ATP1A1: variants seen among roughly 807,000 people sequenced by gnomAD.
ATP1A1 encodes the protein ATPase Na+/K+ transporting subunit alpha 1.
In ATP1A1, 14 loss-of-function variants were observed where a neutral mutation model predicts 114.8. The observed-to-expected ratio is 0.12, with a 90% CI of 0.08 to 0.19. ATP1A1 has a LOEUF of 0.19. ATP1A1 is among the 10% of genes least tolerant of loss of function. ATP1A1 has a pLI of 1.00. For synonymous variants in ATP1A1, 471 were observed against 466.3 expected (o/e 1.01, Z -0.13); for missense variants, 524 against 1,290.7 (o/e 0.41, Z 9.10).
intron 1 of ATP1A1, among the ~76,000 whole-genome samples, chr1:116,374,584 G>C (rs561709134): frequency 6.6e-6 from 1 of 152,194 alleles, no homozygotes; most frequent in Non-Finnish European, 1.5e-5. Context: ...TTTCTGTAGC[G>C]AAGACTTGAT....
chr1:116,386,817 C>T (rs1173342432), intron 3 of ATP1A1, among the ~76,000 whole-genome samples: 3 of 152,146 alleles, frequency 2.0e-5, no homozygotes, highest in Non-Finnish European at 2.9e-5. Context: ...TGGCTGTTAA[C>T]CCAAAGGATT....
chr1:116,390,342 C>G lies in ATP1A1; in HGVS notation c.1153C>G (p.Arg385Gly). 6.2e-7 allele frequency: 1 copy of G among 1,614,106 alleles called. No individual in the cohort carries two copies. Among genetic ancestry groups the G allele is most frequent in the Non-Finnish European group, 8.5e-7 (1 of 1,180,028 alleles). Residue 385 changes from arginine to glycine, a missense_variant, in exon 9 of 23, where the codon CGG (arginine) becomes GGG (glycine). Arg to Gly is a moderately radical substitution (Grantham distance 125). Coordinates refer to ENST00000295598, the MANE Select transcript of ATP1A1 (RefSeq NM_000701.8). Reference protein sequence around the residue: ...SDKTGTLTQNRMTVAHMWFDN... With the variant: ...SDKTGTLTQNGMTVAHMWFDN... Reference sequence around the variant, plus strand: ...TAAAACTGGAACTCTGACTCAGAACCGGATGACAGTGGCCCACATGTGGTT... The same window carrying G: ...TAAAACTGGAACTCTGACTCAGAACGGGATGACAGTGGCCCACATGTGGTT...
Position 116,389,307 on chromosome 1 carries a change from G to A in ATP1A1, c.755-132G>A, listed in dbSNP as rs1350850543. On this transcript the variant is annotated intron_variant, in intron 7 of 22. Coordinates refer to ENST00000295598, the MANE Select transcript of ATP1A1 (RefSeq NM_000701.8). The surrounding 1 kb of genome is among the most constrained non-coding windows in gnomAD (Gnocchi z 6.9). ...TTGCCAAACAGCATGTACAGCCAAAGAGCTGGCCCTTAAAAAGTGCTTTTA... is the reference window on the plus strand; with the variant it reads ...TTGCCAAACAGCATGTACAGCCAAAAAGCTGGCCCTTAAAAAGTGCTTTTA... 7.4e-6 allele frequency: 9 copies of A among 1,214,260 alleles called. No homozygotes were observed. The highest frequency in any genetic ancestry group is 1.0e-5 in the Non-Finnish European group (9 of 863,820). 75.2% of individuals were successfully genotyped at this position (1,214,260 alleles called of 1,614,324 possible).
chr1:116,388,763 T>C lies in ATP1A1; in HGVS notation c.627T>C (p.Asn209=), dbSNP rs763222448. ...CTGACCTCAGAATCATATCTGCAAA[T>C]GGCTGCAAGGTAGCTCTTTTATTTT... ...IPADLRIISA[N]GCKVDNSSLT... The change falls in exon 6 of 23, where the codon AAT becomes AAC. Residue 209 remains asparagine (N), a synonymous_variant. Transcript: ENST00000295598. This position sits in a 1 kb window ranked among gnomAD's most constrained non-coding sequence, Gnocchi z 5.6. 2 of 1,614,176 alleles carry C rather than the reference T, an allele frequency of 1.2e-6. No individual in the cohort carries two copies. The highest frequency in any genetic ancestry group is 3.3e-5 in the Admixed American group (2 of 60,024).
rs1204778843 is a variant in ATP1A1 at position 116,384,748 on chromosome 1, G to C, written c.124-35G>C. The stretch of plus-strand genomic sequence containing the variant: ...TTCTGTCATTTTTTTATACTACACT[G>C]TTTAACTATTTTCTTTGTTTCTGTT... On this transcript the variant is annotated intron_variant, in intron 2 of 22. Transcript: ENST00000295598. The surrounding 1 kb of genome is among the most constrained non-coding windows in gnomAD (Gnocchi z 5.1). The C allele has an allele frequency of 6.4e-7, 1 of 1,559,180 alleles. No individual in the cohort carries two copies. Among genetic ancestry groups the C allele is most frequent in the Non-Finnish European group, 8.8e-7 (1 of 1,140,724 alleles).
At position 116,389,790 on chromosome 1, in the gene ATP1A1, G is replaced by A; in HGVS notation, c.1023+83G>A. Reference sequence around the variant, plus strand: ...TTCCGCTATCCTATTCTAAGGTATTGCCAACTTATGTTTTATTCTGGATGT... The same window carrying A: ...TTCCGCTATCCTATTCTAAGGTATTACCAACTTATGTTTTATTCTGGATGT... On this transcript the variant is annotated intron_variant, in intron 8 of 22. Coordinates refer to ENST00000295598, the MANE Select transcript of ATP1A1 (RefSeq NM_000701.8). This position sits in a 1 kb window ranked among gnomAD's most constrained non-coding sequence, Gnocchi z 6.9. 1.3e-6 allele frequency: 2 copies of A among 1,542,790 alleles called. No homozygotes were observed. The highest frequency in any genetic ancestry group is 2.3e-5 in the East Asian group (1 of 43,778).
intron 3 of ATP1A1, among the ~76,000 whole-genome samples, chr1:116,386,835 G>T (rs537622919): frequency 6.6e-6 from 1 of 152,148 alleles, no homozygotes; most frequent in Non-Finnish European, 1.5e-5. Context: ...ATTTCTACAG[G>T]AAGTTTTTTT....
Position 116,388,236 on chromosome 1 carries a change from G to C in ATP1A1, c.493G>C (p.Val165Leu). The C allele has an allele frequency of 6.2e-7, 1 of 1,610,826 alleles. No individual in the cohort carries two copies. Among genetic ancestry groups the C allele is most frequent in the Non-Finnish European group, 8.5e-7 (1 of 1,177,092 alleles). ...GATCATGGAATCCTTCAAAAACATG[G>C]TCCCTCAGGTACCAGACGCTTTGTC... ...SKIMESFKNM[V>L]PQQALVIRNG... Residue 165 changes from valine (V) to leucine (L), a missense_variant, in exon 5 of 23, where the codon GTC becomes CTC. By Grantham distance (32) the Val-to-Leu change is conservative. Transcript: ENST00000295598. The surrounding 1 kb of genome is among the most constrained non-coding windows in gnomAD (Gnocchi z 5.6).
rs1340801205 is a variant in ATP1A1, at chr1:116,397,446, A to C, written c.1974-442A>C. Among the ~76,000 whole-genome samples the C allele has an allele frequency of 1.3e-5, 2 of 152,052 alleles. No homozygotes were observed. The highest frequency in any genetic ancestry group is 1.3e-4 in the Admixed American group (2 of 15,256). On this transcript the variant is annotated intron_variant, in intron 14 of 22. Transcript: ENST00000295598. This position sits in a 1 kb window ranked among gnomAD's most constrained non-coding sequence, Gnocchi z 4.2. ...GTGATTCTCCTGCCTCAGCCTCCCA[A>C]GTAGCTGGGATTACAGGCCCCAACC...
chr1:116,373,909 C>G, intron 1 of ATP1A1: 1 of 1,306,582 alleles, frequency 7.7e-7, no homozygotes, highest in Non-Finnish European at 9.7e-7. Context: ...ATCCCTGAGC[C>G]TGGCTCCCCT....
At chr1:116,396,880 T>C (rs1355303275) in intron 14 of ATP1A1, 146 bp downstream of exon 14, 56 of 1,061,958 alleles carry the variant, frequency 5.3e-5, no homozygotes, top group Non-Finnish European at 6.9e-5. Context: ...AACCTTGTCA[T>C]TCCTAAGAAG....
In ATP1A1 at chr1:116,404,467, A is replaced by C. The variant is rs778102684; in HGVS notation, c.*23A>C. ...TAGCCCCCCGTCCTGCACGCCGTGGAGCATCAGGCCACACACTCTGCATCC... is the reference window on the plus strand; with the variant it reads ...TAGCCCCCCGTCCTGCACGCCGTGGCGCATCAGGCCACACACTCTGCATCC... On this transcript the variant is annotated 3_prime_UTR_variant, in exon 23 of 23. Coordinates refer to ENST00000295598, the MANE Select transcript of ATP1A1 (RefSeq NM_000701.8). This position sits in a 1 kb window ranked among gnomAD's most constrained non-coding sequence, Gnocchi z 4.8. The C allele has an allele frequency of 2.9e-5, 46 of 1,606,108 alleles. No individual in the cohort carries two copies. Among genetic ancestry groups the C allele is most frequent in the Non-Finnish European group, 3.5e-5 (41 of 1,177,726 alleles).
intron 10 of ATP1A1, 164 bp from the exon 11 acceptor site, chr1:116,392,690 G>A: frequency 1.3e-6 from 1 of 777,120 alleles, no homozygotes; most frequent in Non-Finnish European, 2.0e-6. Context: ...AGTGGTCGGG[G>A]CTAGAGGGAC....
rs183889746 is a variant in ATP1A1 at position 116,393,113 on chromosome 1, C to T, written c.1467+125C>T. The T allele has an allele frequency of 5.1e-4, 706 of 1,370,930 alleles. No homozygotes were observed. The highest frequency in any genetic ancestry group is 3.4e-3 in the Middle Eastern group (13 of 3,802). The allele number at this position is 1,370,930 out of a possible 1,614,324, so 84.9% of individuals were successfully genotyped here. A position where few individuals can be genotyped will look rare whatever the true frequency, so the allele number is the denominator to read the frequency against. The stretch of plus-strand genomic sequence containing the variant: ...TATAAGCTTTAGCTTTAAATTTTGC[C>T]CTTGATTACCATAGAATGCCATAAT... On this transcript the variant is annotated intron_variant, in intron 11 of 22. Transcript: ENST00000295598. The surrounding 1 kb of genome is among the most constrained non-coding windows in gnomAD (Gnocchi z 5.0).
At chr1:116,400,831 TCTA>T (rs1221468569) in intron 18 of ATP1A1, 27 bp from the exon 19 acceptor site, 2 of 1,612,982 alleles carry the variant, frequency 1.2e-6, no homozygotes, top group Admixed American at 3.3e-5. Context: ...TGTGTGAGGT[TCTA>T]GTAATTGGGT....
In ATP1A1 at chr1:116,398,071, C is replaced by T. The variant is rs1455722366; in HGVS notation, c.2124+33C>T. ...AGCACAAGGATCAGGCTGCTTTGGG[C>T]ACTATTGGCTTTAGGGATTGGAGTT... On this transcript the variant is annotated intron_variant, in intron 15 of 22. Transcript: ENST00000295598. The surrounding 1 kb of genome is among the most constrained non-coding windows in gnomAD (Gnocchi z 6.1). 1 of 1,610,296 alleles carries T rather than the reference C, an allele frequency of 6.2e-7. No individual in the cohort carries two copies. Among genetic ancestry groups the T allele is most frequent in the South Asian group, 1.1e-5 (1 of 90,434 alleles).
intron 10 of ATP1A1, chr1:116,392,616 C>A (rs1652555396): frequency 4.7e-6 from 2 of 421,634 alleles, no homozygotes; most frequent in East Asian, 8.0e-5. Context: ...ACCCTTCTTT[C>A]ACTAGAAGCT....
chr1:116,392,048 C>G (rs1194875345), intron 10 of ATP1A1, among the ~76,000 whole-genome samples: 11 of 152,212 alleles, frequency 7.2e-5, no homozygotes, highest in Admixed American at 6.5e-4. Flanking sequence ...AACTTTCTTG[C>G]TCTGTGGAGC....
Position 116,398,830 on chromosome 1 carries a change from T to C in ATP1A1, c.2293+41T>C. The C allele has an allele frequency of 3.1e-6, 5 of 1,610,792 alleles. No individual in the cohort carries two copies. Among genetic ancestry groups the C allele is most frequent in the Non-Finnish European group, 2.5e-6 (3 of 1,177,268 alleles). ...GGTGTACACCAAGATCTTATTCAGA[T>C]ACTGCCCATTAGCATCCATTTCTGT... On this transcript the variant is annotated intron_variant, in intron 16 of 22. Transcript: ENST00000295598. This position sits in a 1 kb window ranked among gnomAD's most constrained non-coding sequence, Gnocchi z 6.1.
Sources: allele counts gnomAD v4.1 joint callset (sites outside exome capture counted in the v4.1 genomes callset), GRCh38; gene constraint gnomAD v4.1.1; non-coding constraint Gnocchi (gnomAD v3.1); transcripts MANE v1.5; gene names NCBI Gene and HGNC (gene_info 2026-07-23, HGNC 2026-07-21).